The following GNB1 variants were observed in gnomAD, a reference collection of about 807,000 sequenced individuals.
GNB1 encodes guanine nucleotide-binding protein G(I)/G(S)/G(T) subunit beta-1.
In GNB1, 2 loss-of-function variants were observed where a neutral mutation model predicts 42.9. The observed-to-expected ratio is 0.05, with a 90% CI of 0.02 to 0.15. The LOEUF (loss-of-function observed/expected upper bound fraction) is 0.15, where lower values mean the gene tolerates loss of function less well. GNB1 is among the 10% of genes least tolerant of loss of function. The probability of loss-of-function intolerance (pLI) is 1.00; values close to 1 mark genes in which losing one functional copy is unlikely to be tolerated. For missense variants in GNB1, 193 were observed against 462.2 expected (o/e 0.42, Z 5.34); for synonymous variants, 183 against 174.7 (o/e 1.05, Z -0.38).
intron 4 of GNB1, 54 bp downstream of exon 4, chr1:1,817,783 C>G (rs1312069717): frequency 7.6e-7 from 1 of 1,321,586 alleles, no homozygotes; most frequent in Non-Finnish European, 1.1e-6. Context: ...GGTGTGGGTG[C>G]CGTGCTAGCC....
At chr1:1,845,296 G>A (rs1044493463) in intron 1 of GNB1, among the ~76,000 whole-genome samples, 3 of 152,296 alleles carry the variant, frequency 2.0e-5, no homozygotes, top group South Asian at 2.1e-4. Flanking sequence ...AAAGTAGGCC[G>A]GGTGCGGTGG....
At chr1:1,800,768 A>G (rs934069985) in intron 7 of GNB1, among the ~76,000 whole-genome samples, 60 of 152,042 alleles carry the variant, frequency 3.9e-4, no homozygotes, top group East Asian at 2.1e-3. Flanking sequence ...AAAAAAAAAA[A>G]AAAGAAAAAT....
At chr1:1,868,606 C>A (rs924531203) in intron 1 of GNB1, among the ~76,000 whole-genome samples, 17 of 151,952 alleles carry the variant, frequency 1.1e-4, no homozygotes, top group Non-Finnish European at 1.9e-4. Flanking sequence ...GATGGTGAAA[C>A]CCCGTCTCTA....
At chr1:1,814,459 G>A (rs150453795) in intron 5 of GNB1, among the ~76,000 whole-genome samples, 28 of 152,214 alleles carry the variant, frequency 1.8e-4, no homozygotes, top group Middle Eastern at 3.4e-3. Flanking sequence ...GTGGGGTCAC[G>A]GAAGGGAGAT....
chr1:1,827,534 G>C (rs1473356400), intron 2 of GNB1, among the ~76,000 whole-genome samples: 1 of 152,206 alleles, frequency 6.6e-6, no homozygotes, highest in South Asian at 2.1e-4. Flanking sequence ...ATTCTTAAGG[G>C]ATAAGACTGG....
chr1:1,813,862 A>C (rs762775961), intron 5 of GNB1, among the ~76,000 whole-genome samples: 1 of 152,232 alleles, frequency 6.6e-6, no homozygotes, highest in South Asian at 2.1e-4. Flanking sequence ...GTACAATGTG[A>C]TATTCTGATA....
At chr1:1,882,787 G>A (rs1464748483) in intron 1 of GNB1, among the ~76,000 whole-genome samples, 3 of 152,062 alleles carry the variant, frequency 2.0e-5, no homozygotes, top group Non-Finnish European at 4.4e-5. Context: ...TGGGCATGGT[G>A]GCAGGTGCCT....
chr1:1,856,857 ATAT>A (rs1480897995), intron 1 of GNB1, among the ~76,000 whole-genome samples: 3 of 152,236 alleles, frequency 2.0e-5, no homozygotes, highest in Admixed American at 6.5e-5. Context: ...AAAACAAAAA[ATAT>A]TATTAATTCA....
chr1:1,792,714 G>GA (rs896663460), intron 8 of GNB1, among the ~76,000 whole-genome samples: 5 of 132,472 alleles, frequency 3.8e-5, no homozygotes, highest in African/African-American at 8.5e-5. Flanking sequence ...AAAAAAAAAA[G>GA]AAAAAAATGT....
rs1646463692 is a variant in GNB1 at position 1,790,234 on chromosome 1, AGAAGTTTCCCATCG to A, written c.699+147_699+160del. Among the ~76,000 whole-genome samples the A allele has an allele frequency of 1.3e-5, 2 of 152,352 alleles. No homozygotes were observed. The highest frequency in any genetic ancestry group is 3.9e-4 in the East Asian group (2 of 5,192). On this transcript the variant is annotated intron_variant, in intron 9 of 11. Transcript: ENST00000378609. This position sits in a 1 kb window ranked among gnomAD's most constrained non-coding sequence, Gnocchi z 5.4. ...TCTGTGAGACAAGTGGTCAACACAG[AGAAGTTTCCCATCG>A]GGAGTTTTCTGTATCCCCATCTGTA...
In GNB1 at chr1:1,863,878, G is replaced by A. The variant is rs75570202; in HGVS notation, c.-95-24640C>T. ...ATAGGACAGAACAATGTTTCTGTGG[G>A]AGGTGGTGTTGCACAGTGACTGAAA... On this transcript the variant is annotated intron_variant, in intron 1 of 11. Coordinates refer to ENST00000378609, the MANE Select transcript of GNB1 (RefSeq NM_002074.5). 8.2e-3 allele frequency among the ~76,000 whole-genome samples: 1,252 copies of A among 152,266 alleles called. 21 individuals are homozygous for A. The highest frequency in any genetic ancestry group is 0.029 in the African/African-American group (1,215 of 41,546).
chr1:1,888,669 C>A (rs1445558490), intron 1 of GNB1, among the ~76,000 whole-genome samples: 1 of 152,150 alleles, frequency 6.6e-6, no homozygotes, highest in Non-Finnish European at 1.5e-5. Flanking sequence ...GAAACCCTAT[C>A]TCTACTAAAA....
intron 2 of GNB1, among the ~76,000 whole-genome samples, chr1:1,834,258 C>G (rs1647115101): frequency 6.6e-6 from 1 of 152,126 alleles, no homozygotes; most frequent in Non-Finnish European, 1.5e-5. Context: ...TGAGGCACAG[C>G]TGCTAAGAGC....
At chr1:1,816,075 G>C (rs1646851094) in intron 4 of GNB1, among the ~76,000 whole-genome samples, 1 of 152,116 alleles carries the variant, frequency 6.6e-6, no homozygotes, top group South Asian at 2.1e-4. Flanking sequence ...AGGAACCTGT[G>C]TGCCCTGCCC....
chr1:1,831,784 C>T (rs911195656), intron 2 of GNB1, among the ~76,000 whole-genome samples: 2 of 149,458 alleles, frequency 1.3e-5, no homozygotes, highest in Non-Finnish European at 3.0e-5. Flanking sequence ...TAGGTCTGGG[C>T]GCGGTGGCTC....
At chr1:1,838,819 T>C (rs923689385) in intron 2 of GNB1, among the ~76,000 whole-genome samples, 2 of 152,200 alleles carry the variant, frequency 1.3e-5, no homozygotes, top group African/African-American at 2.4e-5. Flanking sequence ...ACTAGCGATG[T>C]ACCACTCTGA....
intron 3 of GNB1, among the ~76,000 whole-genome samples, chr1:1,824,558 G>A (rs890199344): frequency 7.9e-5 from 12 of 151,802 alleles, no homozygotes; most frequent in African/African-American, 2.7e-4. Flanking sequence ...ATTTACACAC[G>A]GTAAATAAAT....
intron 1 of GNB1, among the ~76,000 whole-genome samples, chr1:1,861,241 G>A (rs1648610250): frequency 6.6e-6 from 1 of 151,998 alleles, no homozygotes; most frequent in African/African-American, 2.4e-5. Context: ...GAGACTGTTA[G>A]AAGCCAGGAC....
chr1:1,815,379 C>T (rs1021443163), intron 5 of GNB1, among the ~76,000 whole-genome samples: 26 of 152,132 alleles, frequency 1.7e-4, no homozygotes, highest in African/African-American at 5.1e-4. Context: ...CACAAGAGGG[C>T]GAGGGCCAAC....
Sources: gnomAD v4.1 joint callset for allele counts (sites outside exome capture counted in the v4.1 genomes callset) on GRCh38, gnomAD v4.1.1 for gene constraint, Gnocchi (gnomAD v3.1) non-coding constraint, MANE v1.5 for transcripts, NCBI Gene and HGNC (gene_info 2026-07-23, HGNC 2026-07-21) for gene names.